MAGI2: variants seen among roughly 807,000 people sequenced by gnomAD.
The protein encoded by MAGI2 is membrane-associated guanylate kinase, WW and PDZ domain-containing protein 2.
MAGI2 carries 35 observed loss-of-function variants against 133.3 expected under a neutral mutation model. The observed-to-expected ratio is 0.26, with a 90% CI of 0.20 to 0.35. The LOEUF is 0.35. Ranked by LOEUF, MAGI2 falls within the 10% of genes least tolerant of loss-of-function variation. The probability of loss-of-function intolerance (pLI) is 1.00; values close to 1 mark genes in which losing one functional copy is unlikely to be tolerated. For synonymous variants in MAGI2, 729 were observed against 710.6 expected (o/e 1.03, Z -0.41); for missense variants, 1,636 against 1,863.4 (o/e 0.88, Z 2.25).
intron 2 of MAGI2, among the ~76,000 whole-genome samples, chr7:78,756,364 A>G (rs1165670741): frequency 6.6e-6 from 1 of 152,226 alleles, no homozygotes; most frequent in Non-Finnish European, 1.5e-5. Flanking sequence ...AATGATGTGG[A>G]TTAATAACAA....
chr7:78,329,004 T>G (rs76745030), intron 9 of MAGI2, among the ~76,000 whole-genome samples: 2,607 of 152,312 alleles, frequency 0.017, 96 homozygotes, highest in African/African-American at 0.059. Flanking sequence ...ATATACGTAG[T>G]AGAATTTTTT....
At chr7:78,649,604 A>C (rs1811328527) in intron 2 of MAGI2, among the ~76,000 whole-genome samples, 1 of 152,168 alleles carries the variant, frequency 6.6e-6, no homozygotes, top group African/African-American at 2.4e-5. Context: ...TTGTGACTAC[A>C]CCTGGCTATA....
chr7:79,199,537 A>T (rs1242950172), intron 1 of MAGI2, among the ~76,000 whole-genome samples: 1 of 152,064 alleles, frequency 6.6e-6, no homozygotes, highest in African/African-American at 2.4e-5. Flanking sequence ...TGGGATTCAA[A>T]GCTAGAGATT....
At chr7:79,342,820 T>C (rs1397137393) in intron 1 of MAGI2, among the ~76,000 whole-genome samples, 1 of 152,094 alleles carries the variant, frequency 6.6e-6, no homozygotes, top group African/African-American at 2.4e-5. Context: ...AGTGCAATGG[T>C]GCAATCTTGG....
At chr7:78,514,616 C>T (rs536710102) in intron 4 of MAGI2, among the ~76,000 whole-genome samples, 1 of 152,098 alleles carries the variant, frequency 6.6e-6, no homozygotes, top group African/African-American at 2.4e-5. Context: ...CTCTGTGAAC[C>T]CACACAAAAA....
At chr7:78,537,229 C>T (rs1798038102) in intron 3 of MAGI2, among the ~76,000 whole-genome samples, 1 of 151,584 alleles carries the variant, frequency 6.6e-6, no homozygotes, top group Admixed American at 6.6e-5. Flanking sequence ...TTTATCCACT[C>T]ATCAATTGAT....
intron 4 of MAGI2, among the ~76,000 whole-genome samples, chr7:78,517,354 T>C (rs1796131926): frequency 1.3e-5 from 2 of 152,168 alleles, no homozygotes; most frequent in African/African-American, 4.8e-5. Flanking sequence ...GATTGCGATT[T>C]ACTTTGGGGA....
intron 2 of MAGI2, among the ~76,000 whole-genome samples, chr7:78,779,677 C>A (rs1289398588): frequency 2.0e-5 from 3 of 152,184 alleles, no homozygotes; most frequent in Admixed American, 6.5e-5. Context: ...TCATCAGGCT[C>A]ATAGATTTTG....
chr7:78,646,902 C>G (rs1810952418), intron 2 of MAGI2, among the ~76,000 whole-genome samples: 2 of 152,302 alleles, frequency 1.3e-5, no homozygotes, highest in Non-Finnish European at 2.9e-5. Context: ...CTTGGTTATT[C>G]ACTGTCTCCT....
chr7:79,365,028 C>T (rs76312177), intron 1 of MAGI2, among the ~76,000 whole-genome samples: 1 of 151,206 alleles, frequency 6.6e-6, no homozygotes, highest in Non-Finnish European at 1.5e-5. Flanking sequence ...AAAAAAAAAC[C>T]TCTCAAAATA....
At chr7:78,324,839 G>A (rs990859292) in intron 9 of MAGI2, among the ~76,000 whole-genome samples, 7 of 151,982 alleles carry the variant, frequency 4.6e-5, no homozygotes, top group Admixed American at 1.3e-4. Flanking sequence ...GGTGGCGGGC[G>A]CCTGTATTCC....
At chr7:78,609,579 A>G (rs1584829325) in intron 3 of MAGI2, among the ~76,000 whole-genome samples, 1 of 152,316 alleles carries the variant, frequency 6.6e-6, no homozygotes, top group East Asian at 1.9e-4. Flanking sequence ...CATGACGGTT[A>G]CAGTCCTTGG....
In MAGI2 at chr7:79,075,223, T is replaced by C. The variant is rs569625402; in HGVS notation, c.302-68017A>G. On this transcript the variant is annotated intron_variant, in intron 1 of 21. Transcript: ENST00000354212. ...TCTTATTGACCAGAGCTGGATCACATGTTCACTCCTGGATGTATTACTAAC... is the reference window on the plus strand; with the variant it reads ...TCTTATTGACCAGAGCTGGATCACACGTTCACTCCTGGATGTATTACTAAC... 2.0e-5 allele frequency among the ~76,000 whole-genome samples: 3 copies of C among 152,274 alleles called. No individual in the cohort carries two copies. The South Asian group carries it at 6.2e-4, about 32-fold the overall frequency.
chr7:78,349,055 G>GTA (rs1791216834), intron 7 of MAGI2, among the ~76,000 whole-genome samples: 1 of 152,166 alleles, frequency 6.6e-6, no homozygotes, highest in Non-Finnish European at 1.5e-5. Context: ...CTGTGACGTA[G>GTA]TATACAGCAT....
At chr7:78,305,496 G>T (rs1798179646) in intron 9 of MAGI2, among the ~76,000 whole-genome samples, 1 of 152,150 alleles carries the variant, frequency 6.6e-6, no homozygotes, top group Admixed American at 6.6e-5. Flanking sequence ...TTAAGGCAAT[G>T]AGTTGCTTTA....
chr7:79,021,219 G>A (rs916801079), intron 1 of MAGI2, among the ~76,000 whole-genome samples: 2 of 152,242 alleles, frequency 1.3e-5, no homozygotes, highest in Non-Finnish European at 2.9e-5. Context: ...TGCTAGGGCA[G>A]TGCAGAAGGG....
At chr7:79,179,426 C>A (rs979833852) in intron 1 of MAGI2, among the ~76,000 whole-genome samples, 1 of 151,900 alleles carries the variant, frequency 6.6e-6, no homozygotes, top group Non-Finnish European at 1.5e-5. Context: ...AAAAAACAAT[C>A]ATACAATTCA....
intron 15 of MAGI2, among the ~76,000 whole-genome samples, chr7:78,163,060 C>G (rs1354305914): frequency 2.6e-5 from 4 of 152,178 alleles, no homozygotes; most frequent in African/African-American, 9.7e-5. Flanking sequence ...ACTCATTCAT[C>G]TAGCTCATAC....
intron 2 of MAGI2, among the ~76,000 whole-genome samples, chr7:78,907,452 G>A (rs1051850741): frequency 3.3e-5 from 5 of 152,214 alleles, no homozygotes; most frequent in Middle Eastern, 3.4e-3. Context: ...AATCTGGGTG[G>A]TGAATCTTGT....
Sources: gnomAD v4.1 joint callset for allele counts (sites outside exome capture counted in the v4.1 genomes callset) on GRCh38, gnomAD v4.1.1 for gene constraint, MANE v1.5 for transcripts, NCBI Gene and HGNC (gene_info 2026-07-23, HGNC 2026-07-21) for gene names.